Variants in CERS5 observed in about 807,000 individuals in gnomAD.
CERS5 encodes the protein LAG1 homolog, ceramide synthase 5.
A neutral mutation model predicts 58.9 loss-of-function variants in CERS5; 37 were observed. That is an observed-to-expected ratio of 0.63 (90% CI 0.48 to 0.83). CERS5 has a LOEUF of 0.83. CERS5 is among the 40% of genes least tolerant of loss of function. The pLI, the probability that CERS5 is intolerant of heterozygous loss-of-function variation, is 0.00. For missense variants in CERS5, 398 were observed against 489.3 expected (o/e 0.81, Z 1.76); for synonymous variants, 147 against 177.8 (o/e 0.83, Z 1.38).
Position 50,136,011 on chromosome 12 carries a change from T to C in CERS5, c.695A>G (p.Tyr232Cys). The change falls in exon 7 of 10, where the codon TAC becomes TGC. Residue 232 changes from tyrosine to cysteine, a missense_variant. Physicochemically the swap from Tyr to Cys is radical, Grantham distance 194. Coordinates refer to ENST00000317551, the MANE Select transcript of CERS5 (RefSeq NM_147190.5). ...TCCCACTCGAACCATATTGTTGATG[T>C]AGGAGAAGGAGATAAGCCCAATGGT... ...LVTIGLISFS[Y>C]INNMVRVGTL... The C allele has an allele frequency of 6.6e-7, 1 of 1,518,476 alleles. No homozygotes were observed. Among genetic ancestry groups the C allele is most frequent in the Non-Finnish European group, 8.8e-7 (1 of 1,136,522 alleles). The allele number at this position is 1,518,476 out of a possible 1,614,324, so 94.1% of individuals were successfully genotyped here.
intron 4 of CERS5, among the ~76,000 whole-genome samples, chr12:50,141,008 T>C (rs904206118): frequency 1.3e-5 from 2 of 152,128 alleles, no homozygotes. Flanking sequence ...CAGTATGGTA[T>C]GGGGAAAAAA....
intron 1 of CERS5, chr12:50,144,666 G>T (rs1592374617): frequency 1.6e-6 from 1 of 611,996 alleles, no homozygotes; most frequent in South Asian, 2.5e-5. Context: ...CGAGAAGAAA[G>T]AAATCAGGAA....
intron 1 of CERS5, among the ~76,000 whole-genome samples, chr12:50,158,918 G>C (rs1482479902): frequency 6.6e-6 from 1 of 152,096 alleles, no homozygotes; most frequent in Non-Finnish European, 1.5e-5. Context: ...GTTCTGCATG[G>C]ACATTTACCT....
Position 50,135,852 on chromosome 12 carries a change from G to GA in CERS5, c.766-15dup. ...CAGTTTGGCTGCCTGGAGAAAGGAA[G>GA]AAAGAATTGAGCTGGGGAGAAAGTC... On this transcript the variant is annotated splice_polypyrimidine_tract_variant and intron_variant, in intron 7 of 9. Transcript: ENST00000317551. 1 of 1,610,394 alleles carries GA rather than the reference G, an allele frequency of 6.2e-7. No homozygotes were observed. Among genetic ancestry groups the GA allele is most frequent in the Non-Finnish European group, 8.5e-7 (1 of 1,177,734 alleles).
In CERS5 at chr12:50,143,065, C is replaced by G; in HGVS notation, c.434+9G>C. On this transcript the variant is annotated intron_variant, in intron 3 of 9. Coordinates refer to ENST00000317551, the MANE Select transcript of CERS5 (RefSeq NM_147190.5). ...TCCTTATTCCCTCCCTCCCTCCTTGCGTACTTACATGCTTTCACAGAATTT... is the reference window on the plus strand; with the variant it reads ...TCCTTATTCCCTCCCTCCCTCCTTGGGTACTTACATGCTTTCACAGAATTT... 1 of 1,596,296 alleles carries G rather than the reference C, an allele frequency of 6.3e-7. No homozygotes were observed.
At chr12:50,147,729 GTTTT>G (rs1339776366) in intron 1 of CERS5, among the ~76,000 whole-genome samples, 2 of 152,130 alleles carry the variant, frequency 1.3e-5, no homozygotes, top group Non-Finnish European at 2.9e-5. Context: ...TCTTCTCACA[GTTTT>G]TTGTTTTGGA....
At chr12:50,143,833 A>G in intron 2 of CERS5, 119 bp downstream of exon 2, 1 of 686,638 alleles carries the variant, frequency 1.5e-6, no homozygotes, top group South Asian at 1.6e-5. Flanking sequence ...TGGACTACTC[A>G]AATATGAAGG....
intron 4 of CERS5, among the ~76,000 whole-genome samples, chr12:50,139,755 T>G (rs1026710459): frequency 6.6e-6 from 1 of 152,182 alleles, no homozygotes; most frequent in African/African-American, 2.4e-5. Context: ...ATTGTACCAC[T>G]GCACTCCAGC....
chr12:50,162,959 C>T (rs895051147), intron 1 of CERS5, among the ~76,000 whole-genome samples: 4 of 152,080 alleles, frequency 2.6e-5, no homozygotes, highest in Non-Finnish European at 5.9e-5. Context: ...AGTGCACTGG[C>T]GCTATCATAG....
chr12:50,149,780 G>A (rs1474657934), intron 1 of CERS5, among the ~76,000 whole-genome samples: 1 of 152,130 alleles, frequency 6.6e-6, no homozygotes, highest in East Asian at 1.9e-4. Flanking sequence ...TGATGCCTAG[G>A]CTGAAGTGAA....
At chr12:50,144,108 A>T in intron 1 of CERS5, 51 bp from the exon 2 acceptor site, 1 of 988,900 alleles carries the variant, frequency 1.0e-6, no homozygotes, top group East Asian at 2.4e-5. Context: ...AATTTTATTT[A>T]TAGTTGACAC....
At chr12:50,140,193 AT>A (rs1051762656) in intron 4 of CERS5, among the ~76,000 whole-genome samples, 1 of 150,350 alleles carries the variant, frequency 6.7e-6, no homozygotes, top group African/African-American at 2.4e-5. Flanking sequence ...TTTTGATATG[AT>A]TTTTAGCATG....
chr12:50,139,468 G>A (rs528615874), intron 4 of CERS5, among the ~76,000 whole-genome samples: 2 of 151,890 alleles, frequency 1.3e-5, no homozygotes, highest in South Asian at 4.2e-4. Flanking sequence ...GGGTGACAGA[G>A]TAAGACCCTG....
chr12:50,156,684 T>G (rs1938695970), intron 1 of CERS5, among the ~76,000 whole-genome samples: 1 of 152,118 alleles, frequency 6.6e-6, no homozygotes, highest in Non-Finnish European at 1.5e-5. Context: ...GGGTCTTCAA[T>G]AATTTTTTAA....
At chr12:50,133,722 C>T (rs1340978457) in intron 9 of CERS5, 1 of 985,544 alleles carries the variant, frequency 1.0e-6, no homozygotes, top group Non-Finnish European at 1.2e-6. Flanking sequence ...AAAAGCCATT[C>T]CTAAGGGACA....
Position 50,134,654 on chromosome 12 carries a change from A to G in CERS5, c.921T>C (p.Tyr307=). 4 of 1,614,176 alleles carry G rather than the reference A, an allele frequency of 2.5e-6. No homozygotes were observed. Among genetic ancestry groups the G allele is most frequent in the Non-Finnish European group, 2.5e-6 (3 of 1,180,030 alleles). Residue 307 remains tyrosine, a synonymous_variant, in exon 9 of 10, where the codon TAT becomes TAC. Transcript: ENST00000317551. ...GGCCATTGAGGAGCCACCATGAAGC[A>G]TAAGGCCCGATTATCTCCCAACTCT... ...LFESWEIIGP[Y]ASWWLLNGLL... is the part of the protein sequence containing the mutation.
At chr12:50,158,060 CAAAAAAAA>C (rs11388385) in intron 1 of CERS5, among the ~76,000 whole-genome samples, 5 of 81,372 alleles carry the variant, frequency 6.1e-5, no homozygotes, top group African/African-American at 1.9e-4. Context: ...AGACCATGAC[CAAAAAAAA>C]AAAAAAAAAA....
intron 9 of CERS5, chr12:50,133,093 C>T (rs534285485): frequency 2.1e-5 from 27 of 1,286,526 alleles, no homozygotes; most frequent in Non-Finnish European, 2.7e-5. Flanking sequence ...CAGGAGAGAA[C>T]AGAGATGTCC....
intron 4 of CERS5, 37 bp from the exon 5 acceptor site, chr12:50,138,654 A>G (rs778541020): frequency 4.4e-6 from 7 of 1,575,042 alleles, no homozygotes; most frequent in Non-Finnish European, 3.5e-6. Flanking sequence ...AGTCCTCAAG[A>G]TTCTCACCTG....
Sources: gnomAD v4.1 joint callset for allele counts (sites outside exome capture counted in the v4.1 genomes callset) on GRCh38, gnomAD v4.1.1 for gene constraint, MANE v1.5 for transcripts, NCBI Gene and HGNC (gene_info 2026-07-23, HGNC 2026-07-21) for gene names.